RCC1: variants seen among roughly 807,000 people sequenced by gnomAD.
The protein encoded by RCC1 is regulator of chromosome condensation 1.
In RCC1, 11 loss-of-function variants were observed where a neutral mutation model predicts 44.4. The ratio of observed to expected loss-of-function variants is 0.25; its 90% CI spans 0.16 to 0.41. The LOEUF (loss-of-function observed/expected upper bound fraction) is 0.41. RCC1 is among the 10% of genes least tolerant of loss of function. The pLI is 1.00. For missense variants in RCC1, 386 were observed against 547.1 expected, an observed-to-expected ratio of 0.71 and a Z score of 2.94; for synonymous variants, 213 against 216.5, an observed-to-expected ratio of 0.98 and a Z score of 0.14.
At chr1:28,527,258 G>A in intron 4 of RCC1, 1 of 684,796 alleles carries the variant, frequency 1.5e-6, no homozygotes, top group East Asian at 2.8e-5. Context: ...TTGTTTTTTT[G>A]AGACAGTGTC....
intron 12 of RCC1, among the ~76,000 whole-genome samples, chr1:28,537,295 A>G (rs1223105811): frequency 6.6e-6 from 1 of 152,108 alleles, no homozygotes; most frequent in Non-Finnish European, 1.5e-5. Context: ...CAAGAAAAAA[A>G]AAGGCTTAGT....
chr1:28,515,720 A>G (rs1421353213), intron 3 of RCC1, among the ~76,000 whole-genome samples: 2 of 151,880 alleles, frequency 1.3e-5, no homozygotes, highest in Non-Finnish European at 2.9e-5. Context: ...CCATCTCAAA[A>G]TAAAATAAAA....
At chr1:28,518,346 A>C (rs1013196114) in intron 4 of RCC1, 1 of 152,032 alleles carries the variant, frequency 6.6e-6, no homozygotes, top group East Asian at 1.9e-4. Context: ...GTCCGGGCAG[A>C]GGGCGGTAAG....
chr1:28,509,867 T>A (rs1301544865), intron 3 of RCC1: 1 of 152,302 alleles, frequency 6.6e-6, no homozygotes, highest in South Asian at 2.1e-4. Context: ...TTAGACCGAT[T>A]CTTTAGCTTC....
Position 28,533,845 on chromosome 1 carries a change from C to CTTTTTTTTTTTT in RCC1, c.442-1166_442-1155dup, listed in dbSNP as rs1168443435. 8.3e-4 allele frequency among the ~76,000 whole-genome samples: 39 copies of CTTTTTTTTTTTT among 46,868 alleles called. 6 individuals are homozygous for CTTTTTTTTTTTT. Among genetic ancestry groups the CTTTTTTTTTTTT allele is most frequent in the East Asian group, 3.4e-3 (3 of 872 alleles). The allele number at this position is 46,868 out of a possible 152,430, so 30.7% of individuals were successfully genotyped here. ...ATATTTTTTTCTTTTCTTTTCTTTT[C>CTTTTTTTTTTTT]TTTTTTTTTTTTTTTTTTTTTTTTT... On this transcript the variant is annotated intron_variant, in intron 7 of 12. Transcript: ENST00000683442.
intron 3 of RCC1, among the ~76,000 whole-genome samples, chr1:28,512,767 ATTG>A (rs770814082): frequency 9.2e-5 from 14 of 151,908 alleles, no homozygotes; most frequent in African/African-American, 1.7e-4. Flanking sequence ...AAAGTGTATT[ATTG>A]TTGTTGTATT....
intron 3 of RCC1, chr1:28,510,397 G>A (rs1462936830): frequency 6.6e-6 from 1 of 152,222 alleles, no homozygotes; most frequent in Non-Finnish European, 1.5e-5. Context: ...CAGCACTTAG[G>A]CTAAGGCAGG....
At chr1:28,525,150 A>G (rs188855105) in intron 4 of RCC1, among the ~76,000 whole-genome samples, 38 of 152,204 alleles carry the variant, frequency 2.5e-4, no homozygotes, top group Admixed American at 1.7e-3. Flanking sequence ...GGCTGCATGC[A>G]CTGGTTATCA....
intron 3 of RCC1, among the ~76,000 whole-genome samples, chr1:28,514,991 A>G (rs913900015): frequency 2.6e-5 from 4 of 152,138 alleles, no homozygotes; most frequent in Non-Finnish European, 4.4e-5. Flanking sequence ...CAGAACCTCC[A>G]TATCAGCCAG....
At position 28,532,302 on chromosome 1, in the gene RCC1, A is replaced by G; in HGVS notation, c.393A>G (p.Thr131=). ...VVQVSAGDSH[T]AALTDDGRVF... ...AGGTGTCAGCAGGAGACAGTCACACAGCAGCCCTCACCGATGATGGCCGTG... is the reference window on the plus strand; with the variant it reads ...AGGTGTCAGCAGGAGACAGTCACACGGCAGCCCTCACCGATGATGGCCGTG... The change falls in exon 7 of 13, where the codon ACA becomes ACG. Residue 131 remains threonine, a synonymous_variant. Coordinates refer to ENST00000683442, the MANE Select transcript of RCC1 (RefSeq NM_001381865.2). The G allele has an allele frequency of 6.2e-7, 1 of 1,614,166 alleles. No homozygotes were observed. The highest frequency in any genetic ancestry group is 8.5e-7 in the Non-Finnish European group (1 of 1,180,034).
chr1:28,518,835 A>C (rs1158278172), intron 4 of RCC1: 1 of 152,314 alleles, frequency 6.6e-6, no homozygotes, highest in Non-Finnish European at 1.5e-5. Context: ...TCAGTCTGTC[A>C]GCAGATTATT....
chr1:28,506,047 T>C lies in RCC1; in HGVS notation c.-299T>C, dbSNP rs2124584809. The C allele has an allele frequency of 2.2e-6, 1 of 456,048 alleles. No homozygotes were observed. The highest frequency in any genetic ancestry group is 4.4e-6 in the Non-Finnish European group (1 of 226,788). 28.3% of individuals were successfully genotyped at this position (456,048 alleles called of 1,614,324 possible). A position where few individuals can be genotyped will look rare whatever the true frequency, so the allele number is the denominator to read the frequency against. On this transcript the variant is annotated 5_prime_UTR_variant, in exon 1 of 13. Transcript: ENST00000683442. ...GATGCTTCGCGTTTTCTCTCTCCTT[T>C]TTGGAGACAGATTCGCAGTGGTCGC... is the stretch of plus-strand genomic sequence containing the variant.
chr1:28,537,994 A>G lies in RCC1; in HGVS notation c.1253A>G (p.Lys418Arg), dbSNP rs1664658784. The change falls in exon 13 of 13, where the codon AAA becomes AGA. Residue 418 changes from lysine to arginine, a missense_variant. By Grantham distance (26) the Lys-to-Arg change is conservative (BLOSUM62 2). Coordinates refer to ENST00000683442, the MANE Select transcript of RCC1 (RefSeq NM_001381865.2). Reference sequence around the variant, plus strand: ...CATACAGTCTTATTAGTCAAGGACAAAGAACAGAGCTGATGAAGCCTCTGA... The same window carrying G: ...CATACAGTCTTATTAGTCAAGGACAGAGAACAGAGCTGATGAAGCCTCTGA... ...GQHTVLLVKD[K>R]EQS 2.5e-6 allele frequency: 4 copies of G among 1,613,458 alleles called. No homozygotes were observed. The highest frequency in any genetic ancestry group is 1.3e-5 in the African/African-American group (1 of 74,932).
intron 1 of RCC1, chr1:28,507,396 C>G (rs537832629): frequency 3.9e-6 from 2 of 519,122 alleles, no homozygotes; most frequent in South Asian, 1.4e-5. Context: ...AGGTCACTCT[C>G]CCCGGGCTCT....
intron 1 of RCC1, chr1:28,506,446 A>G (rs1301080057): frequency 8.8e-6 from 3 of 339,802 alleles, no homozygotes; most frequent in Non-Finnish European, 1.2e-5. Context: ...CGGCCTTCCA[A>G]AGTGCTGGGA....
chr1:28,507,106 T>G (rs1300608738), intron 1 of RCC1: 2 of 229,820 alleles, frequency 8.7e-6, no homozygotes, highest in East Asian at 2.2e-4. Context: ...AGTCCACGTG[T>G]TTCATTTGAA....
At chr1:28,506,370 A>G in intron 1 of RCC1, 1 of 383,848 alleles carries the variant, frequency 2.6e-6, no homozygotes. Context: ...TTCTTAGTGG[A>G]GACGGGGTTT....
Position 28,507,509 on chromosome 1 carries a change from T to G in RCC1, c.-261-619T>G, listed in dbSNP as rs1294654181. Reference sequence around the variant, plus strand: ...GGGCCTCGTGTCTGCGCCTGCATATTCCTACAGCTTCCCAGAGTCCTGTCG... The same window carrying G: ...GGGCCTCGTGTCTGCGCCTGCATATGCCTACAGCTTCCCAGAGTCCTGTCG... On this transcript the variant is annotated intron_variant, in intron 1 of 12. Transcript: ENST00000683442. 5 of 518,882 alleles carry G rather than the reference T, an allele frequency of 9.6e-6. 1 individual carries two copies. Among genetic ancestry groups the G allele is most frequent in the South Asian group, 7.0e-5 (5 of 71,594 alleles). 32.1% of individuals were successfully genotyped at this position (518,882 alleles called of 1,614,324 possible).
intron 5 of RCC1, among the ~76,000 whole-genome samples, chr1:28,531,352 C>T (rs957580165): frequency 1.2e-4 from 18 of 150,612 alleles, no homozygotes; most frequent in African/African-American, 2.9e-4. Flanking sequence ...CTGCCACCTC[C>T]GCCTCCCAGG....
Sources: gnomAD v4.1 joint callset for allele counts (sites outside exome capture counted in the v4.1 genomes callset) on GRCh38, gnomAD v4.1.1 for gene constraint, MANE v1.5 for transcripts, NCBI Gene and HGNC (gene_info 2026-07-23, HGNC 2026-07-21) for gene names.